The following RAB27B variants were observed in gnomAD, a reference collection of about 807,000 sequenced individuals.
RAB27B encodes ras-related protein Rab-27B.
In RAB27B, 15 loss-of-function variants were observed where a neutral mutation model predicts 24.6. The ratio of observed to expected loss-of-function variants is 0.61; its 90% confidence interval spans 0.41 to 0.94. RAB27B has a LOEUF of 0.94. RAB27B is among the 40% of genes least tolerant of loss of function. The probability of loss-of-function intolerance (pLI) is 0.00; values close to 1 mark genes in which losing one functional copy is unlikely to be tolerated. For missense variants in RAB27B, 261 were observed against 266.8 expected, an observed-to-expected ratio of 0.98 and a Z score of 0.15; for synonymous variants, 105 against 92.5, an observed-to-expected ratio of 1.14 and a Z score of -0.78.
chr18:54,811,584 A>G (rs1909966135), intron 2 of RAB27B, among the ~76,000 whole-genome samples: 1 of 152,120 alleles, frequency 6.6e-6, no homozygotes, highest in African/African-American at 2.4e-5. Flanking sequence ...TTTTACATAA[A>G]CAGTAGGGCA....
In RAB27B at chr18:54,893,698, G is replaced by A. The variant is rs1286271924; in HGVS notation, c.*4285G>A. ...TAAAGTAGAACTGATACAAATTTTG[G>A]TTGGATATATAGAGAATTTTATAAA... is the stretch of plus-strand genomic sequence containing the variant. On this transcript the variant is annotated 3_prime_UTR_variant, in exon 6 of 6. Transcript: ENST00000262094. 1.3e-5 allele frequency: 2 copies of A among 151,936 alleles called. No individual in the cohort carries two copies. Among genetic ancestry groups the A allele is most frequent in the Non-Finnish European group, 2.9e-5 (2 of 67,930 alleles). The allele number at this position is 151,936 out of a possible 1,614,324, so 9.4% of individuals were successfully genotyped here. A position where few individuals can be genotyped will look rare whatever the true frequency, so the allele number is the denominator to read the frequency against.
At chr18:54,829,630 A>G (rs1910599219) in intron 1 of RAB27B, among the ~76,000 whole-genome samples, 1 of 152,238 alleles carries the variant, frequency 6.6e-6, no homozygotes, top group Non-Finnish European at 1.5e-5. Flanking sequence ...ATATTTAGTT[A>G]TATTCACACA....
intron 1 of RAB27B, among the ~76,000 whole-genome samples, chr18:54,871,448 A>G (rs1475456706): frequency 6.6e-6 from 1 of 152,258 alleles, no homozygotes; most frequent in East Asian, 1.9e-4. Flanking sequence ...AGCCTGACAT[A>G]ACCCAATCCA....
At chr18:54,720,752 T>C (rs1207875824) in intron 2 of RAB27B, among the ~76,000 whole-genome samples, 1 of 152,038 alleles carries the variant, frequency 6.6e-6, no homozygotes, top group African/African-American at 2.4e-5. Context: ...TGGGAGACAG[T>C]GTTTACTGAA....
At chr18:54,849,435 T>C (rs1346104959) in intron 1 of RAB27B, among the ~76,000 whole-genome samples, 1 of 152,180 alleles carries the variant, frequency 6.6e-6, no homozygotes, top group Non-Finnish European at 1.5e-5. Flanking sequence ...GAAGGTAAAT[T>C]GGCCAGGAGC....
Position 54,807,566 on chromosome 18 carries a change from C to T in RAB27B, c.-19-70001C>T, listed in dbSNP as rs151209063. Among the ~76,000 whole-genome samples the T allele has an allele frequency of 4.2e-3, 641 of 152,224 alleles. 2 individuals carry two copies. Among genetic ancestry groups the T allele is most frequent in the Non-Finnish European group, 7.4e-3 (502 of 68,012 alleles). On this transcript the variant is annotated intron_variant, in intron 2 of 4. Transcript: ENST00000586570. ...CTCATTTCTTAGCTCTATCAATATG[C>T]GTATCATCTGGTTGCCAGCTATGGA...
chr18:54,783,696 G>A (rs1268845331), intron 2 of RAB27B, among the ~76,000 whole-genome samples: 1 of 152,194 alleles, frequency 6.6e-6, no homozygotes, highest in Non-Finnish European at 1.5e-5. Flanking sequence ...AAATGACCAG[G>A]AAGCAGACAC....
intron 2 of RAB27B, among the ~76,000 whole-genome samples, chr18:54,801,015 T>TTTG (rs1555657491): frequency 1.2e-4 from 17 of 142,828 alleles, no homozygotes; most frequent in African/African-American, 4.4e-4. Flanking sequence ...TGTGTTTTTT[T>TTTG]TTTTTTTTTT....
At chr18:54,768,765 C>T (rs954495876) in intron 2 of RAB27B, among the ~76,000 whole-genome samples, 3 of 152,036 alleles carry the variant, frequency 2.0e-5, no homozygotes, top group African/African-American at 4.8e-5. Context: ...GGTACCAGGA[C>T]GAAGTGAGTA....
rs565229539 is a variant in RAB27B at position 54,750,214 on chromosome 18, A to T, written c.-20+32073A>T. On this transcript the variant is annotated intron_variant, in intron 2 of 4. Coordinates refer to the RAB27B transcript ENST00000586570. Reference sequence around the variant, plus strand: ...AATTAATGATCATTTTCAGAATCTTATAATGATCCAGCGCTAGAATATTAG... The same window carrying T: ...AATTAATGATCATTTTCAGAATCTTTTAATGATCCAGCGCTAGAATATTAG... 3.3e-5 allele frequency among the ~76,000 whole-genome samples: 5 copies of T among 152,294 alleles called. No individual in the cohort carries two copies. In the South Asian group the frequency reaches 1.0e-3, roughly 32 times the overall value.
At chr18:54,719,997 A>G (rs888984242) in intron 2 of RAB27B, among the ~76,000 whole-genome samples, 2 of 152,084 alleles carry the variant, frequency 1.3e-5, no homozygotes, top group Admixed American at 1.3e-4. Flanking sequence ...AAAAAGTCCC[A>G]AGAAGTATGT....
At chr18:54,807,085 C>T (rs1341571297) in intron 2 of RAB27B, among the ~76,000 whole-genome samples, 1 of 151,870 alleles carries the variant, frequency 6.6e-6, no homozygotes, top group Non-Finnish European at 1.5e-5. Flanking sequence ...ATTTCTAGTA[C>T]AGATGGGGTT....
At chr18:54,756,700 C>T (rs1217800719) in intron 2 of RAB27B, among the ~76,000 whole-genome samples, 1 of 152,084 alleles carries the variant, frequency 6.6e-6, no homozygotes, top group Non-Finnish European at 1.5e-5. Context: ...TACCTTAGTA[C>T]TGTACCAGAT....
intron 2 of RAB27B, among the ~76,000 whole-genome samples, chr18:54,806,490 A>G (rs1463664700): frequency 6.8e-6 from 1 of 147,616 alleles, no homozygotes; most frequent in African/African-American, 2.5e-5. Context: ...AAATAAATAA[A>G]TGGATAAAGA....
At chr18:54,836,659 A>G (rs1050494413) in intron 1 of RAB27B, among the ~76,000 whole-genome samples, 1 of 152,016 alleles carries the variant, frequency 6.6e-6, no homozygotes, top group Non-Finnish European at 1.5e-5. Context: ...TAACCAGTAG[A>G]ATATTTTTGA....
Position 54,889,397 on chromosome 18 carries a change from A to G in RAB27B, c.641A>G (p.Lys214Arg). 1 of 1,612,664 alleles carries G rather than the reference A, an allele frequency of 6.2e-7. No individual in the cohort carries two copies. Among genetic ancestry groups the G allele is most frequent in the Non-Finnish European group, 8.5e-7 (1 of 1,179,126 alleles). Residue 214 changes from lysine (K) to arginine (R), a missense_variant, in exon 6 of 6, where the codon AAG (lysine) becomes AGG (arginine). Transcript: ENST00000262094. ...TTGGATGGGGAAAAGCCACCAGAGA[A>G]GAAATGTATCTGCTAGACTCTACAT... is the stretch of plus-strand genomic sequence containing the variant. ...GNLDGEKPPE[K>R]KCIC
At chr18:54,835,073 C>T (rs147017188) in intron 1 of RAB27B, among the ~76,000 whole-genome samples, 1,610 of 151,904 alleles carry the variant, frequency 0.011, 62 homozygotes, top group African/African-American at 0.035. Context: ...TTCTTATGGT[C>T]TATTATTCAA....
chr18:54,831,741 G>A (rs958535822), intron 1 of RAB27B, among the ~76,000 whole-genome samples: 10 of 151,618 alleles, frequency 6.6e-5, no homozygotes, highest in Middle Eastern at 3.4e-3. Context: ...TGTGTGATTC[G>A]GTGGTCAAGA....
chr18:54,789,608 TG>T (rs1323171093), intron 2 of RAB27B, among the ~76,000 whole-genome samples: 3 of 152,254 alleles, frequency 2.0e-5, no homozygotes, highest in South Asian at 4.1e-4. Flanking sequence ...CACAAAATAA[TG>T]TTTTTTTATT....
Sources: allele counts gnomAD v4.1 joint callset (sites outside exome capture counted in the v4.1 genomes callset), GRCh38; gene constraint gnomAD v4.1.1; transcripts MANE v1.5; gene names NCBI Gene and HGNC (gene_info 2026-07-23, HGNC 2026-07-21).